The following AJAP1 variants were observed in gnomAD, a reference collection of about 807,000 sequenced individuals.
The protein encoded by AJAP1 is adherens junction-associated protein 1.
In AJAP1, 5 loss-of-function variants were observed where a neutral mutation model predicts 35.0. The ratio of observed to expected loss-of-function variants is 0.14; its 90% CI spans 0.07 to 0.30. AJAP1 has a LOEUF of 0.30. Among genes scored for constraint, AJAP1 ranks in the 10% least tolerant of loss-of-function variants. AJAP1 has a pLI of 1.00. For missense variants in AJAP1, 586 were observed against 571.0 expected (o/e 1.03, Z -0.27); for synonymous variants, 284 against 249.3 (o/e 1.14, Z -1.31).
intron 2 of AJAP1, among the ~76,000 whole-genome samples, chr1:4,753,098 T>G (rs372888499): frequency 2.5e-4 from 38 of 152,332 alleles, no homozygotes; most frequent in East Asian, 2.3e-3. Flanking sequence ...TTACGGCGTT[T>G]TATATCATTG....
rs978118802 is a variant in AJAP1, at chr1:4,693,727, C to G, written c.30-18173C>G. ...GGGGCACCCAAGGTCAAGGGGCCCA[C>G]GTCTCGCTGGGGCTTCTTGCTGTGT... On this transcript the variant is annotated intron_variant, in intron 1 of 5. Coordinates refer to ENST00000378191, the MANE Select transcript of AJAP1 (RefSeq NM_018836.4). The surrounding 1 kb of genome is among the most constrained non-coding windows in gnomAD (Gnocchi z 4.4). 6.6e-6 allele frequency among the ~76,000 whole-genome samples: 1 copy of G among 152,160 alleles called. No individual in the cohort carries two copies. Among genetic ancestry groups the G allele is most frequent in the Admixed American group, 6.5e-5 (1 of 15,284 alleles).
chr1:4,685,724 G>C (rs1052069538), intron 1 of AJAP1, among the ~76,000 whole-genome samples: 1 of 152,210 alleles, frequency 6.6e-6, no homozygotes, highest in Non-Finnish European at 1.5e-5. Context: ...GTGCACCGTT[G>C]GGGGGTCCAT....
intron 2 of AJAP1, among the ~76,000 whole-genome samples, chr1:4,744,625 GCACA>G (rs34180991): frequency 0.13 from 19,104 of 149,672 alleles, 1,293 homozygotes; most frequent in South Asian, 0.21. Flanking sequence ...ACATGCATAT[GCACA>G]CACACACACA....
chr1:4,780,508 G>A (rs1248039850), intron 5 of AJAP1, among the ~76,000 whole-genome samples: 1 of 152,090 alleles, frequency 6.6e-6, no homozygotes, highest in East Asian at 1.9e-4. Context: ...CCAAATCCGG[G>A]GAATGTGGAA....
At chr1:4,688,771 C>CAAAAAA (rs5772177) in intron 1 of AJAP1, among the ~76,000 whole-genome samples, 2 of 87,942 alleles carry the variant, frequency 2.3e-5, no homozygotes, top group African/African-American at 4.6e-5. Context: ...GACTCCGTCT[C>CAAAAAA]AAAAAAAAAA....
At chr1:4,730,591 C>G (rs191924768) in intron 2 of AJAP1, among the ~76,000 whole-genome samples, 1 of 152,214 alleles carries the variant, frequency 6.6e-6, no homozygotes, top group Non-Finnish European at 1.5e-5. Flanking sequence ...GGAACCTCTG[C>G]GGGGCTGCCC....
intron 1 of AJAP1, among the ~76,000 whole-genome samples, chr1:4,696,687 G>A (rs1448122209): frequency 6.6e-6 from 1 of 152,238 alleles, no homozygotes; most frequent in Non-Finnish European, 1.5e-5. Flanking sequence ...GTGTGCATGT[G>A]CATCTGTGTA....
In AJAP1 at chr1:4,734,052, G is replaced by A. The variant is rs115719577; in HGVS notation, c.829+21353G>A. Among the ~76,000 whole-genome samples the A allele has an allele frequency of 4.9e-3, 752 of 152,302 alleles. 7 individuals carry two copies. The highest frequency in any genetic ancestry group is 0.016 in the African/African-American group (662 of 41,560). ...CGGCTTTTGTAAGCGATCACGTACC[G>A]AGTATTGACTTGGCTCAGCCCAGGA... On this transcript the variant is annotated intron_variant, in intron 2 of 5. Transcript: ENST00000378191. The surrounding 1 kb of genome is among the most constrained non-coding windows in gnomAD (Gnocchi z 4.3).
intron 2 of AJAP1, among the ~76,000 whole-genome samples, chr1:4,731,742 T>TAGAGA (rs2100299666): frequency 6.6e-6 from 1 of 152,278 alleles, no homozygotes; most frequent in South Asian, 2.1e-4. Flanking sequence ...AGACAAAGGC[T>TAGAGA]AGAGAAGCAC....
chr1:4,729,990 A>G (rs995786751), intron 2 of AJAP1, among the ~76,000 whole-genome samples: 6 of 152,128 alleles, frequency 3.9e-5, no homozygotes, highest in Non-Finnish European at 8.8e-5. Context: ...TCTACTCCCC[A>G]TTGTGTAAGC....
intron 2 of AJAP1, among the ~76,000 whole-genome samples, chr1:4,732,797 T>C (rs1451298164): frequency 6.6e-6 from 1 of 152,208 alleles, no homozygotes; most frequent in East Asian, 1.9e-4. Context: ...CCTCAGTCAG[T>C]TCTCCAGACC....
intron 4 of AJAP1, among the ~76,000 whole-genome samples, chr1:4,772,875 T>A (rs1195753441): frequency 6.6e-6 from 1 of 152,000 alleles, no homozygotes; most frequent in Non-Finnish European, 1.5e-5. Context: ...CTCCTAAATA[T>A]CAACAGATCA....
chr1:4,724,470 T>G (rs956499132), intron 2 of AJAP1, among the ~76,000 whole-genome samples: 12 of 152,182 alleles, frequency 7.9e-5, no homozygotes, highest in African/African-American at 2.9e-4. Flanking sequence ...GGGTGGTTTG[T>G]CTCCATCGAC....
intron 2 of AJAP1, among the ~76,000 whole-genome samples, chr1:4,729,755 G>A (rs1265712486): frequency 1.3e-5 from 2 of 152,174 alleles, no homozygotes; most frequent in East Asian, 1.9e-4. Flanking sequence ...CACAGTTCAC[G>A]GGTAGTGGAG....
intron 1 of AJAP1, among the ~76,000 whole-genome samples, chr1:4,696,817 G>A (rs1396679767): frequency 6.6e-6 from 1 of 152,158 alleles, no homozygotes; most frequent in Non-Finnish European, 1.5e-5. Context: ...GTGCACATGT[G>A]CATGTGTATA....
chr1:4,754,597 G>A lies in AJAP1; in HGVS notation c.830-15256G>A, dbSNP rs115276022. On this transcript the variant is annotated intron_variant, in intron 2 of 5. Coordinates refer to ENST00000378191, the MANE Select transcript of AJAP1 (RefSeq NM_018836.4). ...TGAGGATGAGAGGACAACATCTCAC[G>A]TCTTCTAAACTCACAGGGAATTCCC... Among the ~76,000 whole-genome samples, 535 of 152,310 alleles carry A rather than the reference G, an allele frequency of 3.5e-3. 4 individuals carry two copies. The highest frequency in any genetic ancestry group is 0.012 in the African/African-American group (502 of 41,564).
At chr1:4,710,997 G>A (rs72857983) in intron 1 of AJAP1, among the ~76,000 whole-genome samples, 10,743 of 152,314 alleles carry the variant, frequency 0.071, 390 homozygotes, top group Middle Eastern at 0.085. Flanking sequence ...TCAGGGTTGC[G>A]CAGGATTTGC....
At chr1:4,724,316 C>T (rs1640598894) in intron 2 of AJAP1, among the ~76,000 whole-genome samples, 1 of 152,270 alleles carries the variant, frequency 6.6e-6, no homozygotes, top group South Asian at 2.1e-4. Context: ...TTTCTGTCCC[C>T]TCTGGCCTTG....
intron 1 of AJAP1, among the ~76,000 whole-genome samples, chr1:4,708,265 C>T (rs938838480): frequency 1.4e-4 from 22 of 152,006 alleles, no homozygotes; most frequent in African/African-American, 7.2e-5. Context: ...CATGTCTGGC[C>T]GGGCGGTATG....
Sources: allele counts gnomAD v4.1 joint callset (sites outside exome capture counted in the v4.1 genomes callset), GRCh38; gene constraint gnomAD v4.1.1; non-coding constraint Gnocchi (gnomAD v3.1); transcripts MANE v1.5; gene names NCBI Gene and HGNC (gene_info 2026-07-23, HGNC 2026-07-21).